PPT2: variants seen among roughly 807,000 people sequenced by gnomAD.
PPT2 encodes palmitoyl-protein thioesterase 2.
Under a neutral mutation model 37.3 loss-of-function variants are expected in PPT2, and 20 were observed. The ratio of observed to expected loss-of-function variants is 0.54; its 90% confidence interval spans 0.38 to 0.78. The LOEUF is 0.78. Among genes scored for constraint, PPT2 ranks in the 30% least tolerant of loss-of-function variants. The pLI, the probability that PPT2 is intolerant of heterozygous loss-of-function variation, is 0.00. For synonymous variants in PPT2, 135 were observed against 159.1 expected, an observed-to-expected ratio of 0.85 and a Z score of 1.14; for missense variants, 270 against 389.8, an observed-to-expected ratio of 0.69 and a Z score of 2.59.
At chr6:32,158,225 A>G (rs3134603) in intron 7 of PPT2, 300,272 of 341,516 alleles carry the variant, frequency 0.88, 132,436 homozygotes, top group African/African-American at 0.96. Context: ...ATAGTATAGC[A>G]AGGCCCTTCA....
Position 32,155,909 on chromosome 6 carries a change from C to G in PPT2, c.472C>G (p.Arg158Gly), listed in dbSNP as rs766967673. ...GAAGTGGCTGTTCCCCACCTCCATG[C>G]GGTCTAACCTCTATCGGATCTGCTA... The part of the protein sequence containing the change: ...YLKWLFPTSM[R>G]SNLYRICYSP... The change falls in exon 5 of 9, where the codon CGG (arginine) becomes GGG (glycine). Residue 158 changes from arginine (R) to glycine (G), a missense_variant. By Grantham distance (125) the Arg-to-Gly change is moderately radical (BLOSUM62 -2). Coordinates refer to ENST00000324816, the MANE Select transcript of PPT2 (RefSeq NM_005155.7). The surrounding 1 kb of genome is among the most constrained non-coding windows in gnomAD (Gnocchi z 4.3). The G allele has an allele frequency of 3.1e-6, 5 of 1,614,030 alleles. No homozygotes were observed. The highest frequency in any genetic ancestry group is 3.3e-5 in the Admixed American group (2 of 59,994).
At position 32,155,565 on chromosome 6, in the gene PPT2, T is replaced by G. The variant is rs1450427703; in HGVS notation, c.338-123T>G. 12 of 808,202 alleles carry G rather than the reference T, an allele frequency of 1.5e-5. No homozygotes were observed. Among genetic ancestry groups the G allele is most frequent in the Non-Finnish European group, 2.3e-5 (11 of 481,000 alleles). 50.1% of individuals were successfully genotyped at this position (808,202 alleles called of 1,614,324 possible). A position where few individuals can be genotyped will look rare whatever the true frequency, so the allele number is the denominator to read the frequency against. On this transcript the variant is annotated intron_variant, in intron 3 of 8. Coordinates refer to ENST00000324816, the MANE Select transcript of PPT2 (RefSeq NM_005155.7). This position sits in a 1 kb window ranked among gnomAD's most constrained non-coding sequence, Gnocchi z 4.3. ...AAGCCTCAGTCTCCTTTGTGTACAG[T>G]GTGTGTCTGTGTGTGTCTCTGTGTG...
Position 32,156,109 on chromosome 6 carries a change from A to AT in PPT2, c.541+131_541+132insT. 1 of 779,520 alleles carries AT rather than the reference A, an allele frequency of 1.3e-6. No individual in the cohort carries two copies. The highest frequency in any genetic ancestry group is 2.1e-6 in the Non-Finnish European group (1 of 486,930). 48.3% of individuals were successfully genotyped at this position (779,520 alleles called of 1,614,324 possible). Reference sequence around the variant, plus strand: ...AGTTATTTGAACAGGCTCTGTTCAGAATTTTTTTTTTTTTTGAGACGGAGT... The same window carrying AT: ...AGTTATTTGAACAGGCTCTGTTCAGATATTTTTTTTTTTTTTGAGACGGAGT... On this transcript the variant is annotated intron_variant, in intron 5 of 8. Transcript: ENST00000324816. This position sits in a 1 kb window ranked among gnomAD's most constrained non-coding sequence, Gnocchi z 4.9.
In PPT2 at chr6:32,159,451, A is replaced by AAT. The variant is rs1169913404; in HGVS notation, c.710+1548_710+1549dup. Among the ~76,000 whole-genome samples the AAT allele has an allele frequency of 4.7e-3, 545 of 114,998 alleles. 10 individuals carry two copies. The highest frequency in any genetic ancestry group is 6.8e-3 in the African/African-American group (194 of 28,590). 75.4% of individuals were successfully genotyped at this position (114,998 alleles called of 152,430 possible). On this transcript the variant is annotated intron_variant, in intron 7 of 8. Transcript: ENST00000324816. ...TCCATCTCAAAAAAAAAAAAAAAAAAATATATATATATATATATATATCCT... is the reference window on the plus strand; with the variant it reads ...TCCATCTCAAAAAAAAAAAAAAAAAAATATATATATATATATATATATATCCT...
Position 32,157,631 on chromosome 6 carries a change from A to T in PPT2, c.542-6A>T. The T allele has an allele frequency of 6.3e-7, 1 of 1,582,268 alleles. No homozygotes were observed. Among genetic ancestry groups the T allele is most frequent in the Non-Finnish European group, 8.7e-7 (1 of 1,152,022 alleles). ...GCTTCTTTTTCTAACTGCTGTTTGT[A>T]CCCAGATCCCCACCACGATGACTTG... On this transcript the variant is annotated splice_region_variant and splice_polypyrimidine_tract_variant and intron_variant, in intron 5 of 8. Coordinates refer to ENST00000324816, the MANE Select transcript of PPT2 (RefSeq NM_005155.7).
chr6:32,155,141 G>A lies in PPT2; in HGVS notation c.295G>A (p.Ala99Thr), dbSNP rs764309245. ...CCGAGAGGCTGTGGTCCCCATCATG[G>A]CAAAGGCCCCTCAAGGGGTGCATCT... ...GFREAVVPIMAKAPQGVHLIC... is the reference protein window; with the variant it reads ...GFREAVVPIMTKAPQGVHLIC... Residue 99 changes from alanine (A) to threonine (T), a missense_variant, in exon 3 of 9, where the codon GCA becomes ACA. By Grantham distance (58) the Ala-to-Thr change is moderately conservative (BLOSUM62 0). Coordinates refer to ENST00000324816, the MANE Select transcript of PPT2 (RefSeq NM_005155.7). This position sits in a 1 kb window ranked among gnomAD's most constrained non-coding sequence, Gnocchi z 4.3. 623 of 1,612,972 alleles carry A rather than the reference G, an allele frequency of 3.9e-4. No individual in the cohort carries two copies. The highest frequency in any genetic ancestry group is 5.2e-4 in the Non-Finnish European group (608 of 1,180,002).
chr6:32,159,451 A>AAAAATAT (rs1290087556), intron 7 of PPT2, among the ~76,000 whole-genome samples: 8 of 115,120 alleles, frequency 6.9e-5, no homozygotes, highest in African/African-American at 1.4e-4. Context: ...AAAAAAAAAA[A>AAAAATAT]ATATATATAT....
At position 32,154,575 on chromosome 6, in the gene PPT2, C is replaced by T. The variant is rs765182387; in HGVS notation, c.-8-12C>T. On this transcript the variant is annotated splice_polypyrimidine_tract_variant and intron_variant, in intron 1 of 8. Transcript: ENST00000324816. The surrounding 1 kb of genome is among the most constrained non-coding windows in gnomAD (Gnocchi z 7.3). ...CCATCTCCCTCACATGCCCTTATCA[C>T]CCCTTTCTCAGGCGGGAGCATGCTG... is the stretch of plus-strand genomic sequence containing the variant. 1.2e-6 allele frequency: 2 copies of T among 1,604,824 alleles called. No individual in the cohort carries two copies. Among genetic ancestry groups the T allele is most frequent in the African/African-American group, 1.3e-5 (1 of 74,862 alleles).
chr6:32,161,517 G>C (rs1246174800), intron 7 of PPT2, among the ~76,000 whole-genome samples: 8 of 150,716 alleles, frequency 5.3e-5, no homozygotes, highest in Non-Finnish European at 7.4e-5. Context: ...TTGAACTCCT[G>C]ACCTCAGGTG....
chr6:32,160,617 C>T (rs9267812), intron 7 of PPT2, among the ~76,000 whole-genome samples: 31,188 of 151,420 alleles, frequency 0.21, 4,029 homozygotes, highest in East Asian at 0.4. Context: ...AATGAGCCGA[C>T]AGGGTGCCAC....
rs1158531060 is a variant in PPT2 at position 32,162,699 on chromosome 6, T to C, written c.765+77T>C. ...AGAGCCCTCTCTGTGACTCCTGAGCTGAAGGGTTCACCCTGTGGGGAGGAG... is the reference window on the plus strand; with the variant it reads ...AGAGCCCTCTCTGTGACTCCTGAGCCGAAGGGTTCACCCTGTGGGGAGGAG... On this transcript the variant is annotated intron_variant, in intron 8 of 8. Coordinates refer to ENST00000324816, the MANE Select transcript of PPT2 (RefSeq NM_005155.7). The surrounding 1 kb of genome is among the most constrained non-coding windows in gnomAD (Gnocchi z 5.5). 3 of 1,574,200 alleles carry C rather than the reference T, an allele frequency of 1.9e-6. No individual in the cohort carries two copies. Among genetic ancestry groups the C allele is most frequent in the Non-Finnish European group, 2.6e-6 (3 of 1,143,980 alleles).
At chr6:32,159,036 G>A (rs1311261585) in intron 7 of PPT2, among the ~76,000 whole-genome samples, 1 of 151,808 alleles carries the variant, frequency 6.6e-6, no homozygotes, top group Non-Finnish European at 1.5e-5. Context: ...ATTTAAAAAT[G>A]TACAGTTTTG....
chr6:32,158,126 C>T (rs1783917816), intron 7 of PPT2: 1 of 529,220 alleles, frequency 1.9e-6, no homozygotes. Flanking sequence ...CCTGCTGACT[C>T]TTCTCCTCTC....
upstream of PPT2, chr6:32,153,560 A>C: frequency 6.4e-7 from 1 of 1,555,708 alleles, no homozygotes; most frequent in Non-Finnish European, 8.7e-7. The surrounding 1 kb of genome is among the most constrained non-coding windows in gnomAD (Gnocchi z 4.4). Flanking sequence ...GCCAGGCTGC[A>C]CTTAGCTCAA....
At chr6:32,161,955 T>C (rs975531858) in intron 7 of PPT2, among the ~76,000 whole-genome samples, 15 of 152,150 alleles carry the variant, frequency 9.9e-5, no homozygotes, top group Admixed American at 9.2e-4. Flanking sequence ...CGACCTCAGG[T>C]GATCCGCCGG....
rs1232516495 is a variant in PPT2 at position 32,157,534 on chromosome 6, T to C, written c.542-103T>C. On this transcript the variant is annotated intron_variant, in intron 5 of 8. Coordinates refer to ENST00000324816, the MANE Select transcript of PPT2 (RefSeq NM_005155.7). ...GGCCTACATTATCACTACTATTTTA[T>C]TACTATCCACCTTGACTATTGCTGC... is the stretch of plus-strand genomic sequence containing the variant. 1.6e-5 allele frequency: 16 copies of C among 992,396 alleles called. No individual in the cohort carries two copies. The Admixed American group carries it at 2.6e-4, about 16-fold the overall frequency. The allele number at this position is 992,396 out of a possible 1,614,324, so 61.5% of individuals were successfully genotyped here.
At chr6:32,154,013 T>C, upstream of PPT2, 3 of 1,221,490 alleles carry the variant, frequency 2.5e-6, no homozygotes, top group Non-Finnish European at 3.1e-6. The surrounding 1 kb of genome is among the most constrained non-coding windows in gnomAD (Gnocchi z 7.3). Flanking sequence ...TAGGGCGCAA[T>C]GGAATATTCC....
intron 7 of PPT2, 57 bp downstream of exon 7, chr6:32,157,981 G>C: frequency 1.4e-6 from 2 of 1,446,212 alleles, no homozygotes; most frequent in Admixed American, 3.7e-5. Flanking sequence ...AACCCCAGTT[G>C]GTCTTTATCT....
In PPT2 at chr6:32,162,960, C is replaced by T. The variant is rs1427901252; in HGVS notation, c.*10C>T. 6.2e-7 allele frequency: 1 copy of T among 1,605,362 alleles called. No individual in the cohort carries two copies. The highest frequency in any genetic ancestry group is 1.1e-5 in the South Asian group (1 of 89,714). ...ACCTTGGCTCTCCTGAGGATATATTCAGGGGTCCCCAGGAACTCCTCGGTC... is the reference window on the plus strand; with the variant it reads ...ACCTTGGCTCTCCTGAGGATATATTTAGGGGTCCCCAGGAACTCCTCGGTC... On this transcript the variant is annotated 3_prime_UTR_variant, in exon 9 of 9. Transcript: ENST00000324816. This position sits in a 1 kb window ranked among gnomAD's most constrained non-coding sequence, Gnocchi z 5.5.
Sources: allele counts gnomAD v4.1 joint callset (sites outside exome capture counted in the v4.1 genomes callset), GRCh38; gene constraint gnomAD v4.1.1; non-coding constraint Gnocchi (gnomAD v3.1); transcripts MANE v1.5; gene names NCBI Gene and HGNC (gene_info 2026-07-23, HGNC 2026-07-21).